The following ADGRL3 variants were observed in gnomAD, a reference collection of about 807,000 sequenced individuals.
ADGRL3 encodes the protein calcium-independent alpha-latrotoxin receptor 3.
A neutral mutation model predicts 153.5 loss-of-function variants in ADGRL3; 62 were observed. The observed-to-expected ratio is 0.40, with a 90% confidence interval of 0.33 to 0.50. ADGRL3 has a LOEUF of 0.50. Ranked by LOEUF, ADGRL3 falls within the 20% of genes least tolerant of loss-of-function variation. ADGRL3 has a pLI of 0.47. For missense variants in ADGRL3, 1,641 were observed against 1,859.4 expected (o/e 0.88, Z 2.16); for synonymous variants, 710 against 672.5 (o/e 1.06, Z -0.86).
chr4:61,507,177 G>C (rs1031970246), intron 3 of ADGRL3, among the ~76,000 whole-genome samples: 1 of 152,194 alleles, frequency 6.6e-6, no homozygotes, highest in South Asian at 2.1e-4. Context: ...AAACCATGCA[G>C]ACCTTCAGGG....
chr4:62,033,758 T>G (rs982904126), intron 23 of ADGRL3, among the ~76,000 whole-genome samples: 1 of 151,914 alleles, frequency 6.6e-6, no homozygotes, highest in Non-Finnish European at 1.5e-5. Context: ...TCGTCTTTAT[T>G]TTGTACATTA....
chr4:61,324,010 G>A (rs2095417200), intron 1 of ADGRL3, among the ~76,000 whole-genome samples: 1 of 152,142 alleles, frequency 6.6e-6, no homozygotes, highest in Non-Finnish European at 1.5e-5. Context: ...GGAAGGTAAG[G>A]AGGAGGAGGT....
At chr4:61,654,783 G>C (rs1032470054) in intron 5 of ADGRL3, among the ~76,000 whole-genome samples, 1 of 152,000 alleles carries the variant, frequency 6.6e-6, no homozygotes, top group Non-Finnish European at 1.5e-5. Context: ...TGTAATCCTA[G>C]TTACTCGGGA....
chr4:61,223,586 G>A (rs546946574), intron 1 of ADGRL3, among the ~76,000 whole-genome samples: 11 of 152,344 alleles, frequency 7.2e-5, no homozygotes, highest in Non-Finnish European at 1.0e-4. Flanking sequence ...AGTCAACATC[G>A]TGGGCGTTTT....
At chr4:61,518,628 G>A (rs1414718139) in intron 4 of ADGRL3, among the ~76,000 whole-genome samples, 1 of 152,146 alleles carries the variant, frequency 6.6e-6, no homozygotes, top group Non-Finnish European at 1.5e-5. Context: ...GTGTAACTTT[G>A]CATTCACCGT....
At chr4:61,962,317 GAAC>G (rs1166269605) in intron 17 of ADGRL3, among the ~76,000 whole-genome samples, 6 of 151,976 alleles carry the variant, frequency 3.9e-5, no homozygotes, top group Admixed American at 6.6e-5. Flanking sequence ...TATATTTTAA[GAAC>G]ATTATTGTTA....
At chr4:61,502,766 T>C (rs1322623427) in intron 3 of ADGRL3, among the ~76,000 whole-genome samples, 1 of 152,194 alleles carries the variant, frequency 6.6e-6, no homozygotes, top group Non-Finnish European at 1.5e-5. Context: ...AGTACAAAAT[T>C]ACACTTAACT....
chr4:61,397,989 A>C (rs943064912), intron 2 of ADGRL3, among the ~76,000 whole-genome samples: 3 of 151,818 alleles, frequency 2.0e-5, no homozygotes, highest in African/African-American at 7.2e-5. Flanking sequence ...TTCTGGAGGG[A>C]GCCATTCTTC....
rs1376827681 is a variant in ADGRL3 at position 61,779,739 on chromosome 4, G to GT, written c.1400-34064dup. Among the ~76,000 whole-genome samples the GT allele has an allele frequency of 2.0e-5, 3 of 150,500 alleles. No homozygotes were observed. In the South Asian group the frequency reaches 6.3e-4, roughly 32 times the overall value. ...AAATATAGTAAAAATATGTTAAACT[G>GT]TTTTTTGTGTTTTAAATTTCTGTGA... On this transcript the variant is annotated intron_variant, in intron 8 of 26. Coordinates refer to ENST00000683033, the MANE Select transcript of ADGRL3 (RefSeq NM_001387552.1).
chr4:61,547,688 T>C (rs2098720407), intron 4 of ADGRL3, among the ~76,000 whole-genome samples: 2 of 152,168 alleles, frequency 1.3e-5, no homozygotes, highest in South Asian at 4.1e-4. Flanking sequence ...ATATCTTTGC[T>C]ACTGTGAATA....
chr4:62,018,771 T>C (rs562287699), intron 21 of ADGRL3, among the ~76,000 whole-genome samples: 15 of 152,226 alleles, frequency 9.9e-5, no homozygotes, highest in African/African-American at 2.9e-4. Context: ...GGAGGCTGTC[T>C]GTGGAAGCAA....
chr4:61,497,095 A>G (rs1473181274), intron 2 of ADGRL3, 26 bp from the exon 3 acceptor site: 23 of 549,998 alleles, frequency 4.2e-5, no homozygotes, highest in Non-Finnish European at 6.3e-6. Flanking sequence ...TTTATACAAT[A>G]ACCCTTTTTT....
At chr4:61,768,395 G>A (rs1023847758) in intron 8 of ADGRL3, among the ~76,000 whole-genome samples, 24 of 152,120 alleles carry the variant, frequency 1.6e-4, no homozygotes, top group African/African-American at 3.6e-4. Flanking sequence ...ACTCAGCGAC[G>A]CTTGGGGTCG....
chr4:61,373,024 G>C (rs536498338), intron 1 of ADGRL3, among the ~76,000 whole-genome samples: 25 of 152,292 alleles, frequency 1.6e-4, no homozygotes, highest in Non-Finnish European at 3.4e-4. Flanking sequence ...TCTTTGATTA[G>C]GAAAGGGAAC....
At chr4:61,922,133 C>G (rs2098772889) in intron 13 of ADGRL3, among the ~76,000 whole-genome samples, 1 of 152,140 alleles carries the variant, frequency 6.6e-6, no homozygotes. Context: ...ATTGTCCGGA[C>G]TGAGTTTGCT....
chr4:61,548,647 G>T (rs369086169), intron 4 of ADGRL3, among the ~76,000 whole-genome samples: 2 of 151,968 alleles, frequency 1.3e-5, no homozygotes, highest in Non-Finnish European at 1.5e-5. Context: ...GTCTGTCTTT[G>T]TACTAATATC....
At chr4:61,462,394 G>T (rs1324953825) in intron 2 of ADGRL3, among the ~76,000 whole-genome samples, 2 of 152,050 alleles carry the variant, frequency 1.3e-5, no homozygotes, top group Non-Finnish European at 2.9e-5. Flanking sequence ...TCTTATTCTG[G>T]CAGGTAAGAA....
intron 15 of ADGRL3, among the ~76,000 whole-genome samples, chr4:61,939,434 A>T (rs368937037): frequency 6.7e-6 from 1 of 148,766 alleles, no homozygotes; most frequent in Non-Finnish European, 1.5e-5. Context: ...CTTTCTTCTT[A>T]TTACTATTTC....
At chr4:61,235,046 G>T (rs1204324641) in intron 1 of ADGRL3, among the ~76,000 whole-genome samples, 1 of 152,138 alleles carries the variant, frequency 6.6e-6, no homozygotes, top group East Asian at 1.9e-4. Flanking sequence ...AGATGGAAAT[G>T]AGCCTCTTTT....
Sources: gnomAD v4.1 joint callset for allele counts (sites outside exome capture counted in the v4.1 genomes callset) on GRCh38, gnomAD v4.1.1 for gene constraint, MANE v1.5 for transcripts, NCBI Gene and HGNC (gene_info 2026-07-23, HGNC 2026-07-21) for gene names.